Variants in PALM2AKAP2 observed in about 807,000 individuals in gnomAD.
The protein encoded by PALM2AKAP2 is PALM2 and AKAP2 fusion.
PALM2AKAP2 carries 37 observed loss-of-function variants against 71.5 expected under a neutral mutation model. The ratio of observed to expected loss-of-function variants is 0.52; its 90% CI spans 0.40 to 0.68. The LOEUF (loss-of-function observed/expected upper bound fraction) is 0.68. Among genes scored for constraint, PALM2AKAP2 ranks in the 30% least tolerant of loss-of-function variants. The pLI is 0.00. For missense variants in PALM2AKAP2, 1,224 were observed against 1,191.8 expected, an observed-to-expected ratio of 1.03 and a Z score of -0.40; for synonymous variants, 468 against 478.8, an observed-to-expected ratio of 0.98 and a Z score of 0.29.
chr9:109,802,190 G>T (rs1390037040), intron 1 of PALM2AKAP2, among the ~76,000 whole-genome samples: 2 of 152,224 alleles, frequency 1.3e-5, no homozygotes, highest in African/African-American at 4.8e-5. Flanking sequence ...CTGGGCATCT[G>T]AAATGGGGTT....
chr9:110,013,125 T>A (rs149425150), intron 6 of PALM2AKAP2, among the ~76,000 whole-genome samples: 1 of 152,294 alleles, frequency 6.6e-6, no homozygotes, highest in East Asian at 1.9e-4. Context: ...CCAGATCTGC[T>A]CCCCAGGACT....
At chr9:109,655,972 A>T (rs1228536078) in intron 1 of PALM2AKAP2, among the ~76,000 whole-genome samples, 1 of 152,134 alleles carries the variant, frequency 6.6e-6, no homozygotes, top group African/African-American at 2.4e-5. Flanking sequence ...AAAGCCTATT[A>T]TGAGCCAGTA....
chr9:109,670,900 G>A (rs1036394058), intron 1 of PALM2AKAP2, among the ~76,000 whole-genome samples: 2 of 151,962 alleles, frequency 1.3e-5, no homozygotes, highest in Admixed American at 6.6e-5. Context: ...TATAATTGTT[G>A]GCCACATGTA....
intron 2 of PALM2AKAP2, 103 bp downstream of exon 2, chr9:109,867,674 C>T: frequency 7.6e-7 from 1 of 1,314,424 alleles, no homozygotes; most frequent in African/African-American, 1.5e-5. Flanking sequence ...TGCCGCCAAC[C>T]AAACCAGCCT....
chr9:109,792,073 A>T (rs1420068132), intron 1 of PALM2AKAP2, among the ~76,000 whole-genome samples: 1 of 152,168 alleles, frequency 6.6e-6, no homozygotes, highest in Non-Finnish European at 1.5e-5. Context: ...TTGGTACAGT[A>T]TAAAGCTATG....
intron 2 of PALM2AKAP2, among the ~76,000 whole-genome samples, chr9:109,879,539 T>A (rs745603000): frequency 7.2e-5 from 11 of 152,190 alleles, no homozygotes; most frequent in Non-Finnish European, 1.5e-4. Flanking sequence ...CTACCTCTCC[T>A]TGCTCTTCCT....
chr9:109,753,767 A>C (rs555813350), intron 1 of PALM2AKAP2, among the ~76,000 whole-genome samples: 2 of 152,312 alleles, frequency 1.3e-5, no homozygotes, highest in African/African-American at 4.8e-5. Context: ...ATTAACTAAG[A>C]CTAAAAGCCA....
intron 7 of PALM2AKAP2, 143 bp downstream of exon 7, chr9:110,016,182 C>T: frequency 1.3e-6 from 1 of 765,126 alleles, no homozygotes. Flanking sequence ...CTTAGGGAGG[C>T]AACCGTACAT....
intron 6 of PALM2AKAP2, among the ~76,000 whole-genome samples, chr9:109,958,336 G>T (rs1182972691): frequency 6.6e-6 from 1 of 152,150 alleles, no homozygotes; most frequent in African/African-American, 2.4e-5. Context: ...CTAAGATCTT[G>T]GGTCTATTTT....
chr9:109,922,457 A>AAAAAAAAAAG (rs1830856964), intron 3 of PALM2AKAP2, among the ~76,000 whole-genome samples: 1 of 130,062 alleles, frequency 7.7e-6, no homozygotes, highest in African/African-American at 3.0e-5. Flanking sequence ...AAAAAAAAAA[A>AAAAAAAAAAG]GATGGAAAAG....
At chr9:109,784,060 C>T (rs1405556655) in intron 1 of PALM2AKAP2, among the ~76,000 whole-genome samples, 4 of 152,238 alleles carry the variant, frequency 2.6e-5, no homozygotes, top group Admixed American at 1.3e-4. Context: ...GATCTCTACA[C>T]TCACATGCTC....
chr9:109,801,990 C>T (rs756863485), intron 1 of PALM2AKAP2, among the ~76,000 whole-genome samples: 1 of 152,150 alleles, frequency 6.6e-6, no homozygotes, highest in African/African-American at 2.4e-5. Flanking sequence ...TTATGACTGA[C>T]CAGCTGGACA....
At chr9:110,063,402 G>C (rs75175911) in intron 1 of PALM2AKAP2, among the ~76,000 whole-genome samples, 8,663 of 151,680 alleles carry the variant, frequency 0.057, 346 homozygotes, top group Non-Finnish European at 0.089. Context: ...TCTTCACATG[G>C]TCTCTCCTCT....
intron 5 of PALM2AKAP2, among the ~76,000 whole-genome samples, chr9:109,931,577 T>G (rs563284385): frequency 6.6e-6 from 1 of 152,356 alleles, no homozygotes; most frequent in African/African-American, 2.4e-5. Context: ...TTCCATGTTT[T>G]CTATTTGTCA....
chr9:110,145,751 T>C (rs567946047), intron 2 of PALM2AKAP2, among the ~76,000 whole-genome samples: 11 of 132,520 alleles, frequency 8.3e-5, no homozygotes, highest in Admixed American at 1.4e-4. Context: ...ATGTTGAAGC[T>C]ATGTTTGGCA....
At position 109,687,166 on chromosome 9, in the gene PALM2AKAP2, A is replaced by G. The variant is rs181200329; in HGVS notation, c.5+46300A>G. On this transcript the variant is annotated intron_variant, in intron 1 of 6. Transcript: ENST00000374531. ...AGAGTAGATTCGCATAATTCTTAAG[A>G]GCTCTAGGATTTGGGGGATAGTCAA... is the stretch of plus-strand genomic sequence containing the variant. Among the ~76,000 whole-genome samples the G allele has an allele frequency of 1.2e-3, 180 of 152,266 alleles. 1 individual carries two copies. Among genetic ancestry groups the G allele is most frequent in the African/African-American group, 4.1e-3 (169 of 41,540 alleles).
At chr9:109,720,719 T>C (rs1317161209) in intron 1 of PALM2AKAP2, among the ~76,000 whole-genome samples, 1 of 152,212 alleles carries the variant, frequency 6.6e-6, no homozygotes, top group Non-Finnish European at 1.5e-5. Context: ...GATATCCACA[T>C]ATAGATTTGA....
chr9:109,834,479 A>T (rs972973525), intron 1 of PALM2AKAP2, among the ~76,000 whole-genome samples: 3 of 152,178 alleles, frequency 2.0e-5, no homozygotes, highest in African/African-American at 7.2e-5. Flanking sequence ...GGCACTTCCC[A>T]ATCATCATGT....
intron 1 of PALM2AKAP2, among the ~76,000 whole-genome samples, chr9:109,749,957 T>C (rs1828860302): frequency 1.3e-5 from 2 of 152,216 alleles, no homozygotes; most frequent in Non-Finnish European, 2.9e-5. Flanking sequence ...CCTAAACAGC[T>C]CTGGGCTGGT....
Sources: gnomAD v4.1 joint callset for allele counts (sites outside exome capture counted in the v4.1 genomes callset) on GRCh38, gnomAD v4.1.1 for gene constraint, MANE v1.5 for transcripts, NCBI Gene and HGNC (gene_info 2026-07-23, HGNC 2026-07-21) for gene names.